Variants in GPR160 observed in about 807,000 individuals in gnomAD.
The protein encoded by GPR160 is probable G protein-coupled receptor 160.
In GPR160, 2 loss-of-function variants were observed where a neutral mutation model predicts 2.6. The ratio of observed to expected loss-of-function variants is 0.77; its 90% confidence interval spans 0.32 to 2.44. GPR160 has a LOEUF of 2.44. Among genes scored for constraint, GPR160 ranks in the 30% most tolerant of loss-of-function variants. The probability of loss-of-function intolerance (pLI) is 0.11; values close to 1 mark genes in which losing one functional copy is unlikely to be tolerated. For synonymous variants in GPR160, 130 were observed against 132.2 expected, an observed-to-expected ratio of 0.98 and a Z score of 0.12; for missense variants, 351 against 383.6, an observed-to-expected ratio of 0.91 and a Z score of 0.71.
intron 2 of GPR160, among the ~76,000 whole-genome samples, chr3:170,058,523 C>A (rs959260670): frequency 6.6e-6 from 1 of 152,200 alleles, no homozygotes; most frequent in Non-Finnish European, 1.5e-5. Context: ...CAACAGATTT[C>A]TCATCAGCAA....
At chr3:170,075,618 G>A (rs1448851146) in intron 2 of GPR160, among the ~76,000 whole-genome samples, 3 of 152,108 alleles carry the variant, frequency 2.0e-5, no homozygotes, top group Non-Finnish European at 2.9e-5. Context: ...TTGCCTCCCC[G>A]CCTCCCCAGC....
intron 2 of GPR160, among the ~76,000 whole-genome samples, chr3:170,070,613 G>A (rs1198796768): frequency 3.3e-5 from 5 of 152,274 alleles, no homozygotes; most frequent in South Asian, 2.1e-4. Context: ...GCACAGGAAC[G>A]GCAGGAGAAA....
intron 3 of GPR160, among the ~76,000 whole-genome samples, chr3:170,082,491 A>T (rs1713182455): frequency 6.6e-6 from 1 of 152,228 alleles, no homozygotes; most frequent in African/African-American, 2.4e-5. Flanking sequence ...CTGATGCTCA[A>T]ATGAAAGTGT....
chr3:170,064,927 C>T (rs1007884265), intron 2 of GPR160, among the ~76,000 whole-genome samples: 3 of 152,090 alleles, frequency 2.0e-5, no homozygotes, highest in East Asian at 1.9e-4. Flanking sequence ...AGCCTGTCCT[C>T]GCCTTTGATT....
At chr3:170,068,345 G>A (rs1474472847) in intron 2 of GPR160, among the ~76,000 whole-genome samples, 1 of 152,006 alleles carries the variant, frequency 6.6e-6, no homozygotes, top group Non-Finnish European at 1.5e-5. Flanking sequence ...AGTAGAGATT[G>A]GGTTTTTCCA....
At chr3:170,054,707 A>G (rs553740231) in intron 2 of GPR160, among the ~76,000 whole-genome samples, 1 of 152,108 alleles carries the variant, frequency 6.6e-6, no homozygotes, top group African/African-American at 2.4e-5. Context: ...ATATGGGATC[A>G]TATGATATTT....
At chr3:170,046,674 T>C (rs1377500339) in intron 2 of GPR160, among the ~76,000 whole-genome samples, 3 of 152,202 alleles carry the variant, frequency 2.0e-5, no homozygotes, top group African/African-American at 2.4e-5. Context: ...AAAAGTAATA[T>C]AGATGCTGTT....
intron 2 of GPR160, chr3:170,062,874 G>T: frequency 2.3e-6 from 1 of 442,124 alleles, no homozygotes. Context: ...ACAAAGGCCG[G>T]GTGTGAACAC....
intron 2 of GPR160, among the ~76,000 whole-genome samples, chr3:170,078,358 C>CA (rs1391023391): frequency 2.6e-5 from 4 of 152,234 alleles, no homozygotes; most frequent in East Asian, 3.9e-4. Flanking sequence ...ACAGAGGAGA[C>CA]AGAGGTTTTC....
chr3:170,051,340 C>T (rs911299495), intron 2 of GPR160, among the ~76,000 whole-genome samples: 1 of 152,102 alleles, frequency 6.6e-6, no homozygotes, highest in African/African-American at 2.4e-5. Context: ...ACATCTTTTG[C>T]CCCATTTTAA....
At chr3:170,057,893 C>T (rs1240227645) in intron 2 of GPR160, 1 of 152,186 alleles carries the variant, frequency 6.6e-6, no homozygotes, top group African/African-American at 2.4e-5. Context: ...CAATCGAAAA[C>T]TCCTACTGAA....
intron 2 of GPR160, among the ~76,000 whole-genome samples, chr3:170,076,785 C>G (rs188336160): frequency 6.6e-6 from 1 of 152,300 alleles, no homozygotes; most frequent in East Asian, 1.9e-4. Context: ...CTCAGGCAAT[C>G]CGCCTGCACC....
intron 2 of GPR160, among the ~76,000 whole-genome samples, chr3:170,073,558 G>A (rs897353108): frequency 1.3e-5 from 2 of 152,186 alleles, no homozygotes; most frequent in South Asian, 2.1e-4. Context: ...CCTTTATTCT[G>A]TTAATGTGGT....
chr3:170,056,939 G>T (rs1360187076), intron 2 of GPR160, among the ~76,000 whole-genome samples: 1 of 152,176 alleles, frequency 6.6e-6, no homozygotes, highest in Admixed American at 6.6e-5. Flanking sequence ...GAGACTGAAA[G>T]TAGGCAAATG....
intron 2 of GPR160, among the ~76,000 whole-genome samples, chr3:170,073,617 ATGATGTAT>A (rs1235678665): frequency 6.6e-6 from 1 of 152,174 alleles, no homozygotes; most frequent in East Asian, 1.9e-4. Context: ...TCCATTGGCC[ATGATGTAT>A]TGATGGATTC....
At chr3:170,047,804 A>C (rs1469191442) in intron 2 of GPR160, among the ~76,000 whole-genome samples, 1 of 151,892 alleles carries the variant, frequency 6.6e-6, no homozygotes, top group African/African-American at 2.4e-5. Context: ...TGTCTTTTGC[A>C]GCAACTTGGA....
chr3:170,051,662 T>G (rs1716963469), intron 2 of GPR160, among the ~76,000 whole-genome samples: 2 of 151,942 alleles, frequency 1.3e-5, no homozygotes, highest in Non-Finnish European at 2.9e-5. Flanking sequence ...GAGGCGGAGG[T>G]TGCAGTGACC....
rs1163160488 is a variant in GPR160, at chr3:170,078,837, ATCAG to A, written c.-192-932_-192-929del. Among the ~76,000 whole-genome samples, 5 of 152,338 alleles carry A rather than the reference ATCAG, an allele frequency of 3.3e-5. No homozygotes were observed. In the South Asian group the frequency reaches 6.2e-4, roughly 19 times the overall value. On this transcript the variant is annotated intron_variant, in intron 2 of 3. Coordinates refer to ENST00000355897, the MANE Select transcript of GPR160 (RefSeq NM_014373.3). ...ATGCAAAAAAAAGGGGGAGATGTAG[ATCAG>A]TCAGAGTGGTGGGAGAAACTGTAGG... is the stretch of plus-strand genomic sequence containing the variant.
chr3:170,064,543 G>C (rs1454370483), intron 2 of GPR160, among the ~76,000 whole-genome samples: 1 of 106,402 alleles, frequency 9.4e-6, no homozygotes, highest in Non-Finnish European at 1.9e-5. Flanking sequence ...TTTTGAGGCA[G>C]AGTCTCACTC....
Sources: gnomAD v4.1 joint callset for allele counts (sites outside exome capture counted in the v4.1 genomes callset) on GRCh38, gnomAD v4.1.1 for gene constraint, MANE v1.5 for transcripts, NCBI Gene and HGNC (gene_info 2026-07-23, HGNC 2026-07-21) for gene names.